MROH9: variants seen among roughly 807,000 people sequenced by gnomAD.
MROH9 encodes the protein maestro heat-like repeat-containing protein family member 9.
Under a neutral mutation model 98.2 loss-of-function variants are expected in MROH9, and 92 were observed. The ratio of observed to expected loss-of-function variants is 0.94; its 90% CI spans 0.79 to 1.11. The LOEUF (loss-of-function observed/expected upper bound fraction) is 1.11, where lower values mean the gene tolerates loss of function less well. Among genes scored for constraint, MROH9 ranks in the 50% most tolerant of loss-of-function variants. The pLI is 0.00. For missense variants in MROH9, 1,057 were observed against 1,014.8 expected (o/e 1.04, Z -0.57); for synonymous variants, 397 against 368.9 (o/e 1.08, Z -0.87).
chr1:171,053,155 G>A (rs1224300732), intron 20 of MROH9, among the ~76,000 whole-genome samples: 3 of 152,146 alleles, frequency 2.0e-5, no homozygotes, highest in Non-Finnish European at 4.4e-5. Flanking sequence ...GCCTATCTCT[G>A]GAATGCACTC....
intron 17 of MROH9, among the ~76,000 whole-genome samples, chr1:171,018,904 A>T (rs1652418418): frequency 6.6e-6 from 1 of 151,786 alleles, no homozygotes; most frequent in Admixed American, 6.5e-5. Flanking sequence ...TAGGGGACAG[A>T]TCAACAAGAC....
chr1:170,982,478 G>A (rs1011369365), intron 8 of MROH9, among the ~76,000 whole-genome samples: 1 of 152,086 alleles, frequency 6.6e-6, no homozygotes, highest in Non-Finnish European at 1.5e-5. Flanking sequence ...AGGTGTGAGG[G>A]GTTACAAAAG....
chr1:171,045,179 T>C (rs1653434078), intron 20 of MROH9, among the ~76,000 whole-genome samples: 1 of 151,586 alleles, frequency 6.6e-6, no homozygotes, highest in Non-Finnish European at 1.5e-5. Context: ...TTTTTCTATT[T>C]TTAGTAGAGA....
At chr1:171,015,217 C>G (rs1251306803) in intron 16 of MROH9, 1 of 358,390 alleles carries the variant, frequency 2.8e-6, no homozygotes, top group African/African-American at 2.1e-5. Flanking sequence ...AAGCCATGGT[C>G]TGTTTACTTT....
intron 1 of MROH9, among the ~76,000 whole-genome samples, chr1:170,943,777 C>G (rs1251691087): frequency 6.6e-6 from 1 of 151,880 alleles, no homozygotes; most frequent in Non-Finnish European, 1.5e-5. Context: ...AACTTTAACT[C>G]AGTGTAACAG....
At chr1:171,030,949 T>C (rs1652886697) in intron 20 of MROH9, among the ~76,000 whole-genome samples, 2 of 152,262 alleles carry the variant, frequency 1.3e-5, no homozygotes, top group South Asian at 4.1e-4. Context: ...AAACTTGTTT[T>C]ATGAATCTGG....
chr1:170,979,174 T>A (rs1650830347), intron 8 of MROH9, among the ~76,000 whole-genome samples: 1 of 152,228 alleles, frequency 6.6e-6, no homozygotes. Context: ...TTAACGTGGG[T>A]TACTTTATTG....
rs1449678230 is a variant in MROH9, at chr1:170,945,544, C to A, written c.-13C>A. 3 of 1,611,978 alleles carry A rather than the reference C, an allele frequency of 1.9e-6. No homozygotes were observed. Among genetic ancestry groups the A allele is most frequent in the Non-Finnish European group, 1.7e-6 (2 of 1,178,740 alleles). On this transcript the variant is annotated 5_prime_UTR_variant, in exon 2 of 22. Transcript: ENST00000367759. ...GCATTACTAGTAGAAGACTTTAATA[C>A]ACCTCTGTCAGCATGTTGACAAGGA...
At chr1:170,964,756 T>C (rs1237852545) in intron 6 of MROH9, among the ~76,000 whole-genome samples, 2 of 152,004 alleles carry the variant, frequency 1.3e-5, no homozygotes, top group Non-Finnish European at 2.9e-5. Flanking sequence ...AGACAAGATT[T>C]TAAATCTCTT....
chr1:171,004,869 CT>C (rs1281874308), intron 15 of MROH9, among the ~76,000 whole-genome samples: 1 of 152,068 alleles, frequency 6.6e-6, no homozygotes, highest in African/African-American at 2.4e-5. Flanking sequence ...ACTGTTTTGA[CT>C]ACTATAGCTT....
intron 20 of MROH9, among the ~76,000 whole-genome samples, chr1:171,043,098 T>G (rs1388415933): frequency 6.6e-6 from 1 of 152,154 alleles, no homozygotes; most frequent in Non-Finnish European, 1.5e-5. Flanking sequence ...AATGTTTTCT[T>G]GTAATAGGTG....
chr1:170,937,890 C>A (rs1382218799), intron 1 of MROH9, among the ~76,000 whole-genome samples: 2 of 152,148 alleles, frequency 1.3e-5, no homozygotes, highest in Non-Finnish European at 2.9e-5. Flanking sequence ...TCAGTAAGCA[C>A]CTCAGCTGCT....
At chr1:170,997,282 C>T (rs897665971) in intron 14 of MROH9, among the ~76,000 whole-genome samples, 1 of 152,092 alleles carries the variant, frequency 6.6e-6, no homozygotes, top group Non-Finnish European at 1.5e-5. Context: ...ATCTCATTTG[C>T]AAATGGATTT....
intron 20 of MROH9, among the ~76,000 whole-genome samples, chr1:171,054,902 G>C (rs547082131): frequency 2.6e-5 from 4 of 152,208 alleles, no homozygotes; most frequent in Non-Finnish European, 4.4e-5. Flanking sequence ...TACACTGCTG[G>C]TGGGAATCTA....
intron 20 of MROH9, among the ~76,000 whole-genome samples, chr1:171,046,370 C>CT (rs1653473979): frequency 6.6e-6 from 1 of 152,106 alleles, no homozygotes; most frequent in Non-Finnish European, 1.5e-5. Context: ...TTTCTTTCTT[C>CT]TTTCTTTCCT....
At chr1:170,936,615 A>G (rs1244449531) in intron 1 of MROH9, among the ~76,000 whole-genome samples, 1 of 152,174 alleles carries the variant, frequency 6.6e-6, no homozygotes, top group Non-Finnish European at 1.5e-5. Context: ...AACTAACCAT[A>G]ATGAGTTCCC....
intron 20 of MROH9, among the ~76,000 whole-genome samples, chr1:171,047,112 C>T (rs1653494371): frequency 6.6e-6 from 1 of 152,010 alleles, no homozygotes; most frequent in Non-Finnish European, 1.5e-5. Flanking sequence ...TATCCTTGAC[C>T]TTTGGGAGTT....
intron 20 of MROH9, among the ~76,000 whole-genome samples, chr1:171,041,519 C>G (rs1005153315): frequency 6.6e-6 from 1 of 150,994 alleles, no homozygotes; most frequent in Non-Finnish European, 1.5e-5. Flanking sequence ...GTAAATAGTG[C>G]TGTGACAAAC....
At chr1:170,991,784 A>T (rs1651366092) in intron 11 of MROH9, among the ~76,000 whole-genome samples, 1 of 151,998 alleles carries the variant, frequency 6.6e-6, no homozygotes, top group Non-Finnish European at 1.5e-5. Flanking sequence ...TTATATTCCC[A>T]TGCCAGTTTT....
Sources: allele counts gnomAD v4.1 joint callset (sites outside exome capture counted in the v4.1 genomes callset), GRCh38; gene constraint gnomAD v4.1.1; transcripts MANE v1.5; gene names NCBI Gene and HGNC (gene_info 2026-07-23, HGNC 2026-07-21).